The following SPATC1L variants were observed in gnomAD, a reference collection of about 807,000 sequenced individuals.
SPATC1L encodes spermatogenesis and centriole associated 1 like, also known as speriolin-like protein.
Under a neutral mutation model 21.2 loss-of-function variants are expected in SPATC1L, and 20 were observed. The ratio of observed to expected loss-of-function variants is 0.94; its 90% CI spans 0.66 to 1.37. The LOEUF (loss-of-function observed/expected upper bound fraction) is 1.37, where lower values mean the gene tolerates loss of function less well. SPATC1L is among the 40% of genes most tolerant of loss of function. The probability of loss-of-function intolerance (pLI) is 0.00; values close to 1 mark genes in which losing one functional copy is unlikely to be tolerated. For missense variants in SPATC1L, 499 were observed against 478.7 expected (o/e 1.04, Z -0.40); for synonymous variants, 290 against 234.5 (o/e 1.24, Z -2.16).
Position 46,168,544 on chromosome 21 carries a change from GA to G in SPATC1L, c.307del (p.Ser103ProfsTer35), listed in dbSNP as rs755434231. The G allele has an allele frequency of 6.6e-6, 10 of 1,515,830 alleles. No homozygotes were observed. Among genetic ancestry groups the G allele is most frequent in the Non-Finnish European group, 8.9e-6 (10 of 1,120,440 alleles). 93.9% of individuals were successfully genotyped at this position (1,515,830 alleles called of 1,614,324 possible). On this transcript the variant is annotated frameshift_variant, in exon 3 of 5. Coordinates refer to ENST00000291672, the MANE Select transcript of SPATC1L (RefSeq NM_001142854.2). LOFTEE classifies it high-confidence loss of function. ...CTGGGAGGGGGCTGCACAGCCCGGG[GA>G]GGTGTCGTCCTCGCTGGACAGGGGG... Reference protein sequence around the residue: ...HAPLSSEDDTSPGCAAPSQAP... With the variant: ...HAPLSSEDDTXPGCAAPSQAP...
chr21:46,169,981 C>T (rs1193137670), intron 2 of SPATC1L, among the ~76,000 whole-genome samples: 1 of 29,324 alleles, frequency 3.4e-5, no homozygotes. Flanking sequence ...GAGCCCCCTG[C>T]TCTGTGAGCA....
intron 3 of SPATC1L, among the ~76,000 whole-genome samples, chr21:46,162,877 G>A (rs1280865931): frequency 2.0e-5 from 3 of 152,048 alleles, no homozygotes; most frequent in South Asian, 2.1e-4. Flanking sequence ...GTGAGCCACC[G>A]CACCTGGCCC....
Position 46,161,374 on chromosome 21 carries a change from G to T in SPATC1L, c.*5C>A, listed in dbSNP as rs373560114. The T allele has an allele frequency of 1.3e-5, 20 of 1,507,948 alleles. 1 individual carries two copies. Among genetic ancestry groups the T allele is most frequent in the Admixed American group, 8.2e-5 (4 of 48,600 alleles). The allele number at this position is 1,507,948 out of a possible 1,614,324, so 93.4% of individuals were successfully genotyped here. A position where few individuals can be genotyped will look rare whatever the true frequency, so the allele number is the denominator to read the frequency against. ...CTGCAGGCAAGGCGGCGGGCGCGGGGCGGCTCACCAGGCGAAGAGGGGCTT... is the reference window on the plus strand; with the variant it reads ...CTGCAGGCAAGGCGGCGGGCGCGGGTCGGCTCACCAGGCGAAGAGGGGCTT... On this transcript the variant is annotated 3_prime_UTR_variant, in exon 5 of 5. Coordinates refer to ENST00000291672, the MANE Select transcript of SPATC1L (RefSeq NM_001142854.2).
At chr21:46,174,337 A>C (rs28798832) in intron 2 of SPATC1L, among the ~76,000 whole-genome samples, 17,910 of 73,116 alleles carry the variant, frequency 0.24, 1,507 homozygotes, top group East Asian at 0.57. Context: ...TGTCTCAAAA[A>C]ACAAAACAAA....
chr21:46,169,258 CCT>C (rs1322642572), intron 2 of SPATC1L, among the ~76,000 whole-genome samples: 1 of 128,566 alleles, frequency 7.8e-6, no homozygotes, highest in Non-Finnish European at 1.9e-5. Context: ...CTGTGAGCAT[CCT>C]CTGTGGATGA....
Position 46,164,430 on chromosome 21 carries a change from G to C in SPATC1L, c.545-2363C>G, listed in dbSNP as rs1029603319. Among the ~76,000 whole-genome samples, 6 of 152,272 alleles carry C rather than the reference G, an allele frequency of 3.9e-5. No homozygotes were observed. The South Asian group carries it at 1.2e-3, about 32-fold the overall frequency. On this transcript the variant is annotated intron_variant, in intron 3 of 4. Coordinates refer to ENST00000291672, the MANE Select transcript of SPATC1L (RefSeq NM_001142854.2). ...CAACACACTGCACAGAAGTGTGTTA[G>C]GGCCAATGAGGGGTGTGGAAGAGCA...
intron 2 of SPATC1L, 101 bp downstream of exon 2, chr21:46,182,523 C>T: frequency 8.8e-7 from 1 of 1,139,224 alleles, no homozygotes. Context: ...GTGCCCGTGA[C>T]CTCCCGCATC....
Position 46,161,652 on chromosome 21 carries a change from C to G in SPATC1L, c.750G>C (p.Leu250=), listed in dbSNP as rs755367787. 2.1e-5 allele frequency: 33 copies of G among 1,608,842 alleles called. No individual in the cohort carries two copies. The highest frequency in any genetic ancestry group is 2.5e-5 in the Non-Finnish European group (30 of 1,178,344). The part of the protein sequence containing the change: ...GSVDERKLRE[L]TQRYLALSAR... ...CGCTCAGGGCCAGGTAGCGCTGCGT[C>G]AGCTCGCGCAGCTTCCTCTCGTCCA... is the stretch of plus-strand genomic sequence containing the variant. The change falls in exon 5 of 5, where the codon CTG becomes CTC. Residue 250 remains leucine, a synonymous_variant. Coordinates refer to ENST00000291672, the MANE Select transcript of SPATC1L (RefSeq NM_001142854.2).
intron 2 of SPATC1L, among the ~76,000 whole-genome samples, chr21:46,169,471 C>A (rs2079567425): frequency 1.6e-5 from 2 of 124,488 alleles, no homozygotes; most frequent in Non-Finnish European, 3.4e-5. Flanking sequence ...TGGGGAGGAG[C>A]CTCCTGCTCT....
chr21:46,174,043 A>C (rs1036839286), intron 2 of SPATC1L, among the ~76,000 whole-genome samples: 2 of 152,092 alleles, frequency 1.3e-5, no homozygotes, highest in Non-Finnish European at 2.9e-5. Context: ...AGGTCATCAA[A>C]CAGACCAGGC....
chr21:46,165,789 G>T (rs539134217), intron 3 of SPATC1L, among the ~76,000 whole-genome samples: 2 of 152,130 alleles, frequency 1.3e-5, no homozygotes, highest in Non-Finnish European at 2.9e-5. Context: ...GTGTTCCTCT[G>T]GGTTGATCCT....
intron 2 of SPATC1L, among the ~76,000 whole-genome samples, chr21:46,172,451 C>A (rs1367973773): frequency 6.6e-6 from 1 of 152,216 alleles, no homozygotes; most frequent in African/African-American, 2.4e-5. Flanking sequence ...AGCCATTTCT[C>A]AAATTTTCTG....
At position 46,161,735 on chromosome 21, in the gene SPATC1L, G is replaced by A. The variant is rs199866533; in HGVS notation, c.697-30C>T. ...GGGCGCAGCGCATGGATGGGGGTGG[G>A]GGGCTCGGGGCCCTCGGACGGGGAC... On this transcript the variant is annotated intron_variant, in intron 4 of 4. Coordinates refer to ENST00000291672, the MANE Select transcript of SPATC1L (RefSeq NM_001142854.2). 7.6e-4 allele frequency: 1,167 copies of A among 1,544,202 alleles called. 12 individuals carry two copies. In the African/African-American group the frequency reaches 0.014, roughly 19 times the overall value.
chr21:46,172,849 C>T (rs529358007), intron 2 of SPATC1L, among the ~76,000 whole-genome samples: 1 of 152,204 alleles, frequency 6.6e-6, no homozygotes, highest in South Asian at 2.1e-4. Context: ...AAGCTGGGAA[C>T]CTGCCTGGGA....
In SPATC1L at chr21:46,169,251, T is replaced by C. The variant is rs1011743138; in HGVS notation, c.194-593A>G. Among the ~76,000 whole-genome samples, 9 of 151,534 alleles carry C rather than the reference T, an allele frequency of 5.9e-5. No individual in the cohort carries two copies. The East Asian group carries it at 1.7e-3, about 29-fold the overall frequency. ...CTCCCGGGAGGAGCCTTCTGCTCTG[T>C]GAGCATCCTCTGTGGATGAGGAGGA... On this transcript the variant is annotated intron_variant, in intron 2 of 4. Transcript: ENST00000291672.
chr21:46,164,893 T>C (rs1477925886), intron 3 of SPATC1L, among the ~76,000 whole-genome samples: 1 of 151,890 alleles, frequency 6.6e-6, no homozygotes, highest in East Asian at 1.9e-4. Flanking sequence ...ATGATTCTAG[T>C]ATAGGTTCTA....
intron 2 of SPATC1L, among the ~76,000 whole-genome samples, chr21:46,179,742 C>G (rs1461478195): frequency 6.6e-6 from 1 of 152,212 alleles, no homozygotes; most frequent in Non-Finnish European, 1.5e-5. Flanking sequence ...GACACCTCTC[C>G]AGTGGAGACA....
At chr21:46,174,332 C>CAAAAA (rs66721282) in intron 2 of SPATC1L, among the ~76,000 whole-genome samples, 4 of 34,212 alleles carry the variant, frequency 1.2e-4, no homozygotes, top group African/African-American at 1.9e-4. Flanking sequence ...GACTCTGTCT[C>CAAAAA]AAAAAACAAA....
intron 2 of SPATC1L, among the ~76,000 whole-genome samples, chr21:46,181,530 G>A (rs1217427638): frequency 6.6e-6 from 1 of 152,204 alleles, no homozygotes; most frequent in African/African-American, 2.4e-5. Flanking sequence ...GCCTGGCTGC[G>A]GAGAGTGCCT....
Sources: gnomAD v4.1 joint callset for allele counts (sites outside exome capture counted in the v4.1 genomes callset) on GRCh38, gnomAD v4.1.1 for gene constraint, MANE v1.5 for transcripts, NCBI Gene and HGNC (gene_info 2026-07-23, HGNC 2026-07-21) for gene names.